Variants in NAALADL2 observed in about 807,000 individuals in gnomAD.
NAALADL2 encodes the protein inactive N-acetylated-alpha-linked acidic dipeptidase-like protein 2.
A neutral mutation model predicts 87.2 loss-of-function variants in NAALADL2; 76 were observed. That is an observed-to-expected ratio of 0.87 (90% CI 0.72 to 1.05). The LOEUF (loss-of-function observed/expected upper bound fraction) is 1.05, where lower values mean the gene tolerates loss of function less well. NAALADL2 is among the 50% of genes least tolerant of loss of function. The pLI is 0.00. For missense variants in NAALADL2, 1,089 were observed against 945.8 expected (o/e 1.15, Z -1.99); for synonymous variants, 354 against 331.0 (o/e 1.07, Z -0.75).
intron 1 of NAALADL2, among the ~76,000 whole-genome samples, chr3:174,924,993 G>A (rs571862372): frequency 1.7e-3 from 261 of 152,028 alleles, no homozygotes; most frequent in Admixed American, 2.4e-3. Flanking sequence ...TGAGTAGATT[G>A]CAAAAATTTT....
Position 175,674,542 on chromosome 3 carries a change from G to A in NAALADL2, c.1896+47156G>A, listed in dbSNP as rs556871147. On this transcript the variant is annotated intron_variant, in intron 11 of 13. Transcript: ENST00000454872. ...GCCTCCCAAATTGCTGGGATTACAG[G>A]CCTGAGCCACCGTGCCCGGCGACAG... is the stretch of plus-strand genomic sequence containing the variant. Among the ~76,000 whole-genome samples the A allele has an allele frequency of 2.0e-3, 298 of 152,178 alleles. 1 individual carries two copies. Among genetic ancestry groups the A allele is most frequent in the African/African-American group, 6.9e-3 (285 of 41,504 alleles).
At chr3:174,768,352 A>T (rs1243755128) in intron 3 of NAALADL2, among the ~76,000 whole-genome samples, 1 of 152,092 alleles carries the variant, frequency 6.6e-6, no homozygotes, top group Non-Finnish European at 1.5e-5. Context: ...TAACCTTTTG[A>T]GTGAGATAGA....
intron 5 of NAALADL2, among the ~76,000 whole-genome samples, chr3:175,403,573 A>G (rs994159228): frequency 3.3e-5 from 5 of 152,134 alleles, no homozygotes; most frequent in Non-Finnish European, 1.5e-5. Flanking sequence ...GTCAATAGGC[A>G]TTGTCTAAAA....
intron 5 of NAALADL2, among the ~76,000 whole-genome samples, chr3:175,361,671 A>G (rs912148082): frequency 6.7e-5 from 10 of 148,442 alleles, no homozygotes; most frequent in African/African-American, 2.4e-4. Context: ...TCTTCTTTTG[A>G]GAAGTGTCTG....
At chr3:175,571,069 G>A (rs1335128942) in intron 9 of NAALADL2, among the ~76,000 whole-genome samples, 1 of 152,100 alleles carries the variant, frequency 6.6e-6, no homozygotes, top group Non-Finnish European at 1.5e-5. Context: ...GAATTATTAA[G>A]CAGATTTTAA....
At chr3:174,902,025 T>C (rs1365354495) in intron 1 of NAALADL2, among the ~76,000 whole-genome samples, 10 of 152,054 alleles carry the variant, frequency 6.6e-5, no homozygotes, top group African/African-American at 2.2e-4. Context: ...CTATAATATA[T>C]ACACGACTTA....
intron 2 of NAALADL2, among the ~76,000 whole-genome samples, chr3:175,140,320 G>A (rs1729804446): frequency 6.6e-6 from 1 of 152,080 alleles, no homozygotes; most frequent in African/African-American, 2.4e-5. Flanking sequence ...AGGTATTCAG[G>A]TGGGACTAGA....
In NAALADL2 at chr3:174,847,788, A is replaced by G. The variant is rs145513745; in HGVS notation, c.-9+110042A>G. Among the ~76,000 whole-genome samples, 42 of 145,774 alleles carry G rather than the reference A, an allele frequency of 2.9e-4. No individual in the cohort carries two copies. The East Asian group carries it at 5.8e-3, about 20-fold the overall frequency. ...TCTAAAATGCATGCAATAAGTGCCC[A>G]TCAGAGTATGTATTTGAAAAAAAAA... On this transcript the variant is annotated intron_variant, in intron 3 of 3. Coordinates refer to the NAALADL2 transcript ENST00000434257.
chr3:174,835,074 T>C (rs1723173234), intron 3 of NAALADL2, among the ~76,000 whole-genome samples: 1 of 151,986 alleles, frequency 6.6e-6, no homozygotes, highest in Non-Finnish European at 1.5e-5. Context: ...ATAATCAAAA[T>C]AACATGGTAT....
intron 1 of NAALADL2, among the ~76,000 whole-genome samples, chr3:175,035,066 A>T (rs1247120975): frequency 1.3e-5 from 2 of 152,158 alleles, no homozygotes; most frequent in East Asian, 3.9e-4. Flanking sequence ...TAATAAATGA[A>T]TGAAGGTTAT....
At position 174,544,017 on chromosome 3, in the gene NAALADL2, A is replaced by G. The variant is rs994141901; in HGVS notation, c.-183-6552A>G. On this transcript the variant is annotated intron_variant, in intron 1 of 3. Transcript: ENST00000434257. ...GAGTGAGACTCTGTCTCCAAAAAAAAAAAAAGAAAAGAAAGGCTTAAAATG... is the reference window on the plus strand; with the variant it reads ...GAGTGAGACTCTGTCTCCAAAAAAAGAAAAAGAAAAGAAAGGCTTAAAATG... Among the ~76,000 whole-genome samples the G allele has an allele frequency of 2.4e-3, 360 of 152,078 alleles. 1 individual carries two copies. The highest frequency in any genetic ancestry group is 8.1e-3 in the African/African-American group (338 of 41,504).
At chr3:174,979,445 A>G (rs1744823727) in intron 1 of NAALADL2, among the ~76,000 whole-genome samples, 1 of 151,340 alleles carries the variant, frequency 6.6e-6, no homozygotes, top group South Asian at 2.1e-4. Context: ...AGCTGGGACT[A>G]CAGGCTCCTG....
intron 2 of NAALADL2, among the ~76,000 whole-genome samples, chr3:175,118,188 A>C (rs9817143): frequency 0.066 from 10,065 of 151,876 alleles, 668 homozygotes; most frequent in African/African-American, 0.17. Flanking sequence ...CAGCACACCA[A>C]CATGGCACAT....
At chr3:174,574,037 A>T (rs1715239676) in intron 2 of NAALADL2, among the ~76,000 whole-genome samples, 2 of 152,176 alleles carry the variant, frequency 1.3e-5, no homozygotes, top group Admixed American at 6.5e-5. Context: ...TCCCTTGTGA[A>T]TTAAAGCATC....
At chr3:175,788,336 C>G (rs1268413851) in intron 13 of NAALADL2, among the ~76,000 whole-genome samples, 3 of 152,046 alleles carry the variant, frequency 2.0e-5, no homozygotes, top group Non-Finnish European at 4.4e-5. Context: ...AAACGATCCA[C>G]CACCTCAGCC....
At chr3:174,626,140 A>C (rs999278886) in intron 2 of NAALADL2, among the ~76,000 whole-genome samples, 2 of 146,660 alleles carry the variant, frequency 1.4e-5, no homozygotes, top group Non-Finnish European at 3.0e-5. Flanking sequence ...CATGCACTGC[A>C]TTGGATATTT....
At chr3:175,530,247 A>G (rs1733921835) in intron 9 of NAALADL2, among the ~76,000 whole-genome samples, 1 of 152,226 alleles carries the variant, frequency 6.6e-6, no homozygotes, top group Non-Finnish European at 1.5e-5. Flanking sequence ...GAGCACTGAC[A>G]TGGGATACAA....
At chr3:175,139,713 T>C (rs879494228) in intron 2 of NAALADL2, among the ~76,000 whole-genome samples, 2 of 152,150 alleles carry the variant, frequency 1.3e-5, no homozygotes, top group Admixed American at 6.6e-5. Context: ...TATCATCAAA[T>C]TATATTTCTT....
At chr3:175,415,845 G>A (rs1714533176) in intron 5 of NAALADL2, among the ~76,000 whole-genome samples, 1 of 151,464 alleles carries the variant, frequency 6.6e-6, no homozygotes, top group Non-Finnish European at 1.5e-5. Context: ...TGGGTGTGGT[G>A]GCTCACACCT....
Sources: allele counts gnomAD v4.1 joint callset (sites outside exome capture counted in the v4.1 genomes callset), GRCh38; gene constraint gnomAD v4.1.1; transcripts MANE v1.5; gene names NCBI Gene and HGNC (gene_info 2026-07-23, HGNC 2026-07-21).